Variants in ATF1 observed in about 807,000 individuals in gnomAD.
ATF1 encodes cyclic AMP-dependent transcription factor ATF-1.
In ATF1, 16 loss-of-function variants were observed where a neutral mutation model predicts 34.7. The ratio of observed to expected loss-of-function variants is 0.46; its 90% CI spans 0.31 to 0.70. The LOEUF (loss-of-function observed/expected upper bound fraction) is 0.70, where lower values mean the gene tolerates loss of function less well. Among genes scored for constraint, ATF1 ranks in the 30% least tolerant of loss-of-function variants. The probability of loss-of-function intolerance (pLI) is 0.05; values close to 1 mark genes in which losing one functional copy is unlikely to be tolerated. For synonymous variants in ATF1, 105 were observed against 113.1 expected (o/e 0.93, Z 0.46); for missense variants, 255 against 321.6 (o/e 0.79, Z 1.58).
At chr12:50,809,689 G>C in intron 4 of ATF1, 100 bp downstream of exon 4, 1 of 1,229,908 alleles carries the variant, frequency 8.1e-7, no homozygotes, top group Non-Finnish European at 1.1e-6. Context: ...TGATAGTGAT[G>C]ATTATTAAAG....
chr12:50,813,971 T>C (rs1941788637), intron 4 of ATF1, 39 bp from the exon 5 acceptor site: 2 of 1,576,368 alleles, frequency 1.3e-6, no homozygotes, highest in Admixed American at 3.5e-5. Flanking sequence ...TAGTGTATTA[T>C]ATAACCTTAC....
intron 6 of ATF1, among the ~76,000 whole-genome samples, chr12:50,815,614 T>C (rs1014157963): frequency 6.6e-6 from 1 of 151,722 alleles, no homozygotes; most frequent in Non-Finnish European, 1.5e-5. Flanking sequence ...GTCTCAGACC[T>C]GGGCTCAAGT....
Position 50,819,795 on chromosome 12 carries a change from A to C in ATF1, c.*16A>C. On this transcript the variant is annotated 3_prime_UTR_variant, in exon 7 of 7. Coordinates refer to ENST00000262053, the MANE Select transcript of ATF1 (RefSeq NM_005171.5). ...AAGTGTTTGATTCCTAAGAAAGAAA[A>C]TATTTTTGTGGACATGCATAAAAAT... 6.7e-7 allele frequency: 1 copy of C among 1,499,964 alleles called. No individual in the cohort carries two copies. Among genetic ancestry groups the C allele is most frequent in the Non-Finnish European group, 9.1e-7 (1 of 1,104,328 alleles). The allele number at this position is 1,499,964 out of a possible 1,614,324, so 92.9% of individuals were successfully genotyped here.
At chr12:50,807,866 G>A (rs1380031610) in intron 3 of ATF1, among the ~76,000 whole-genome samples, 1 of 148,972 alleles carries the variant, frequency 6.7e-6, no homozygotes, top group Non-Finnish European at 1.5e-5. Flanking sequence ...CTGGAGTGCA[G>A]TGGCATGAAT....
chr12:50,766,932 C>T (rs9943712), intron 1 of ATF1, among the ~76,000 whole-genome samples: 52,782 of 152,056 alleles, frequency 0.35, 9,404 homozygotes, highest in Non-Finnish European at 0.39. Context: ...AGATGACAGG[C>T]CCATCTGGGG....
intron 1 of ATF1, among the ~76,000 whole-genome samples, chr12:50,766,820 AC>A (rs1482143699): frequency 6.6e-6 from 1 of 152,000 alleles, no homozygotes; most frequent in Non-Finnish European, 1.5e-5. Flanking sequence ...CACAGGCAAT[AC>A]TTTTCTTATC....
intron 2 of ATF1, 122 bp downstream of exon 2, chr12:50,780,360 T>C (rs1165058135): frequency 6.6e-6 from 6 of 907,278 alleles, no homozygotes; most frequent in Non-Finnish European, 9.9e-6. Flanking sequence ...GTTTTTTTTT[T>C]CGAGGCAGAT....
rs1425050060 is a variant in ATF1 at position 50,809,488 on chromosome 12, C to A, written c.227C>A (p.Thr76Lys). The A allele has an allele frequency of 6.2e-7, 1 of 1,611,720 alleles. No individual in the cohort carries two copies. The highest frequency in any genetic ancestry group is 1.1e-5 in the South Asian group (1 of 91,040). The change falls in exon 4 of 7, where the codon ACA (threonine) becomes AAA (lysine). Residue 76 changes from threonine (T) to lysine (K), a missense_variant. Physicochemically the swap from Thr to Lys is moderately conservative, Grantham distance 78 (BLOSUM62 -1). Around this residue, in one of 2 missense-constraint regions of ATF1, gnomAD observed 221 missense variants for 250.7 expected, o/e 0.88. Coordinates refer to ENST00000262053, the MANE Select transcript of ATF1 (RefSeq NM_005171.5). ...TTGAAAGACTTATCTTCTGAAGATA[C>A]ACGGGGCAGAAAAGGAGACGGAGAA... ...KILKDLSSEDTRGRKGDGENS... is the reference protein window; with the variant it reads ...KILKDLSSEDKRGRKGDGENS...
intron 2 of ATF1, among the ~76,000 whole-genome samples, chr12:50,781,915 CAAAA>C (rs56395543): frequency 1.9e-5 from 2 of 107,150 alleles, no homozygotes; most frequent in African/African-American, 3.5e-5. Flanking sequence ...ACCCTATCTC[CAAAA>C]AAAAAAAAAA....
At chr12:50,794,060 C>G (rs1941360714) in intron 2 of ATF1, among the ~76,000 whole-genome samples, 1 of 151,912 alleles carries the variant, frequency 6.6e-6, no homozygotes, top group Non-Finnish European at 1.5e-5. Context: ...ACGCCCTTCT[C>G]CTGCCTCAGC....
intron 3 of ATF1, 92 bp downstream of exon 3, chr12:50,796,101 C>T (rs558634562): frequency 9.5e-6 from 10 of 1,050,424 alleles, no homozygotes; most frequent in African/African-American, 6.6e-5. Context: ...GAAGTTAGCA[C>T]GCGTCAGTGT....
chr12:50,766,045 A>AC (rs1348755021), intron 1 of ATF1, among the ~76,000 whole-genome samples: 2 of 152,194 alleles, frequency 1.3e-5, no homozygotes, highest in East Asian at 3.9e-4. Flanking sequence ...AGATCCAAGA[A>AC]CCCTCAGTTG....
At chr12:50,819,026 A>G (rs1214519288) in intron 6 of ATF1, among the ~76,000 whole-genome samples, 1 of 152,254 alleles carries the variant, frequency 6.6e-6, no homozygotes, top group African/African-American at 2.4e-5. Context: ...CTTAAATAAA[A>G]GAAGTCATGT....
chr12:50,804,388 A>G (rs901504768), intron 3 of ATF1, among the ~76,000 whole-genome samples: 5 of 152,206 alleles, frequency 3.3e-5, no homozygotes, highest in African/African-American at 1.2e-4. Flanking sequence ...AAATATATTT[A>G]TCAAAAACTA....
chr12:50,809,096 G>A lies in ATF1; in HGVS notation c.195-360G>A, dbSNP rs139111876. Among the ~76,000 whole-genome samples the A allele has an allele frequency of 8.5e-3, 1,289 of 152,062 alleles. 18 individuals carry two copies. The highest frequency in any genetic ancestry group is 0.029 in the African/African-American group (1,203 of 41,506). On this transcript the variant is annotated intron_variant, in intron 3 of 6. Coordinates refer to ENST00000262053, the MANE Select transcript of ATF1 (RefSeq NM_005171.5). ...GTTTTAGGAATTTCTTTTTGTGGCC[G>A]GGCATGGTGGCACATGCCTGTAATC...
chr12:50,814,015 A>G lies in ATF1; in HGVS notation c.334A>G (p.Ile112Val), dbSNP rs1941789592. Residue 112 changes from isoleucine to valine, a missense_variant, in exon 5 of 7, where the codon ATT becomes GTT. Around this residue, in one of 2 missense-constraint regions of ATF1, gnomAD observed 221 missense variants for 250.7 expected, o/e 0.88. Coordinates refer to ENST00000262053, the MANE Select transcript of ATF1 (RefSeq NM_005171.5). The part of the protein sequence containing the change: ...YQTSSGQYIA[I>V]APNGALQLAS... ...TTTTCTCTTTTTGATTAAAGTTGCC[A>G]TTGCCCCAAATGGAGCCTTACAGTT... The G allele has an allele frequency of 6.2e-7, 1 of 1,610,644 alleles. No homozygotes were observed. The highest frequency in any genetic ancestry group is 8.5e-7 in the Non-Finnish European group (1 of 1,179,130).
chr12:50,768,931 C>T (rs930029664), intron 1 of ATF1, among the ~76,000 whole-genome samples: 18 of 152,154 alleles, frequency 1.2e-4, no homozygotes, highest in Admixed American at 7.9e-4. Context: ...GAGTTAGCCA[C>T]GCCCCTAAGC....
At chr12:50,766,840 G>C (rs892933184) in intron 1 of ATF1, among the ~76,000 whole-genome samples, 2 of 152,030 alleles carry the variant, frequency 1.3e-5, no homozygotes, top group Non-Finnish European at 2.9e-5. Context: ...TCTACTTTGC[G>C]TTTCTTATTT....
At chr12:50,790,131 G>A (rs886606054) in intron 2 of ATF1, among the ~76,000 whole-genome samples, 1 of 151,124 alleles carries the variant, frequency 6.6e-6, no homozygotes, top group Non-Finnish European at 1.5e-5. Flanking sequence ...GTGGGGAGAC[G>A]TTTTGTTAAT....
Sources: gnomAD v4.1 joint callset for allele counts (sites outside exome capture counted in the v4.1 genomes callset) on GRCh38, gnomAD v4.1.1 for gene constraint, gnomAD v4.1.1 regional missense constraint, MANE v1.5 for transcripts, NCBI Gene and HGNC (gene_info 2026-07-23, HGNC 2026-07-21) for gene names.